The following PCDHGA1 variants were observed in gnomAD, a reference collection of about 807,000 sequenced individuals.
PCDHGA1 encodes the protein protocadherin gamma subfamily A, 1, also known as protocadherin gamma-A1.
Under a neutral mutation model 58.0 loss-of-function variants are expected in PCDHGA1, and 32 were observed. The ratio of observed to expected loss-of-function variants is 0.55; its 90% confidence interval spans 0.42 to 0.74. PCDHGA1 has a LOEUF of 0.74. Ranked by LOEUF, PCDHGA1 falls within the 30% of genes least tolerant of loss-of-function variation. PCDHGA1 has a pLI of 0.00. For missense variants in PCDHGA1, 1,205 were observed against 1,182.3 expected (o/e 1.02, Z -0.28); for synonymous variants, 498 against 501.1 (o/e 0.99, Z 0.08).
In PCDHGA1 at chr5:141,346,532, T is replaced by C. The variant is rs543628254; in HGVS notation, c.2421+13427T>C. 1.4e-5 allele frequency: 22 copies of C among 1,569,878 alleles called. No homozygotes were observed. The East Asian group carries it at 4.8e-4, about 34-fold the overall frequency. Reference sequence around the variant, plus strand: ...TTATTATAAAGCTTTAACACATATGTATTTGAGAAATAAAGCCATGAGGTT... The same window carrying C: ...TTATTATAAAGCTTTAACACATATGCATTTGAGAAATAAAGCCATGAGGTT... On this transcript the variant is annotated intron_variant, in intron 1 of 3. Coordinates refer to ENST00000517417, the MANE Select transcript of PCDHGA1 (RefSeq NM_018912.3).
intron 1 of PCDHGA1, among the ~76,000 whole-genome samples, chr5:141,424,908 C>G (rs910592644): frequency 1.3e-5 from 2 of 152,184 alleles, no homozygotes; most frequent in Non-Finnish European, 2.9e-5. Context: ...TCACAGGAAT[C>G]ATTTCCATAA....
chr5:141,443,244 G>A (rs1277982376), intron 1 of PCDHGA1, among the ~76,000 whole-genome samples: 4 of 151,542 alleles, frequency 2.6e-5, no homozygotes, highest in African/African-American at 9.7e-5. Flanking sequence ...ACTTTGGGGC[G>A]CCAAGGCGGG....
rs747156698 is a variant in PCDHGA1 at position 141,385,112 on chromosome 5, C to T, written c.2421+52007C>T. ...GGTGGCTTGGCGAACGTGCCCACCT[C>T]GCACTTTGTGGGCATGGACGGGGTG... On this transcript the variant is annotated intron_variant, in intron 1 of 3. Coordinates refer to ENST00000517417, the MANE Select transcript of PCDHGA1 (RefSeq NM_018912.3). 6 of 1,614,200 alleles carry T rather than the reference C, an allele frequency of 3.7e-6. No homozygotes were observed. The highest frequency in any genetic ancestry group is 2.7e-5 in the African/African-American group (2 of 75,070).
chr5:141,419,018 AG>A (rs2096314197), intron 1 of PCDHGA1: 1 of 1,613,838 alleles, frequency 6.2e-7, no homozygotes, highest in African/African-American at 1.3e-5. Context: ...GTGTAGCTTA[AG>A]TAGAGGTGTT....
intron 1 of PCDHGA1, chr5:141,475,997 G>T: frequency 8.4e-7 from 1 of 1,184,406 alleles, no homozygotes; most frequent in Non-Finnish European, 1.2e-6. Flanking sequence ...CAAATCAACG[G>T]CATCCAGAAA....
At chr5:141,383,767 A>G (rs1779455066) in intron 1 of PCDHGA1, 2 of 1,613,886 alleles carry the variant, frequency 1.2e-6, no homozygotes, top group South Asian at 2.2e-5. Flanking sequence ...TAAACTTCCA[A>G]AGATGTTTCA....
chr5:141,368,755 G>A (rs557718841), intron 1 of PCDHGA1, among the ~76,000 whole-genome samples: 1 of 151,984 alleles, frequency 6.6e-6, no homozygotes, highest in Non-Finnish European at 1.5e-5. Flanking sequence ...TTAAATATCT[G>A]AATCTTTAGT....
chr5:141,347,507 G>A (rs1034183522), intron 1 of PCDHGA1, among the ~76,000 whole-genome samples: 7 of 152,070 alleles, frequency 4.6e-5, no homozygotes, highest in Non-Finnish European at 7.4e-5. Context: ...AAATGTAGAG[G>A]CTGGGTGCAG....
intron 1 of PCDHGA1, chr5:141,372,263 G>C (rs373583904): frequency 3.1e-6 from 5 of 1,613,110 alleles, no homozygotes; most frequent in South Asian, 1.1e-5. Flanking sequence ...GCCTGCGCAC[G>C]GGTGAGGTGC....
Position 141,491,826 on chromosome 5 carries a change from C to A in PCDHGA1, c.2422-2981C>A. 1 of 1,477,526 alleles carries A rather than the reference C, an allele frequency of 6.8e-7. No homozygotes were observed. The highest frequency in any genetic ancestry group is 9.0e-7 in the Non-Finnish European group (1 of 1,114,486). The allele number at this position is 1,477,526 out of a possible 1,614,324, so 91.5% of individuals were successfully genotyped here. A position where few individuals can be genotyped will look rare whatever the true frequency, so the allele number is the denominator to read the frequency against. ...GGCTTGGTCGCTGGCTGCGCTCCAC[C>A]CGATTCTCGGGATCATTGGACCGTT... On this transcript the variant is annotated intron_variant, in intron 1 of 3. Transcript: ENST00000517417. The surrounding 1 kb of genome is among the most constrained non-coding windows in gnomAD (Gnocchi z 6.9).
At chr5:141,362,774 C>T (rs1265004246) in intron 1 of PCDHGA1, 13 of 610,680 alleles carry the variant, frequency 2.1e-5, no homozygotes, top group Non-Finnish European at 3.3e-5. Context: ...AGATATTGCA[C>T]TGTATTTCTT....
intron 1 of PCDHGA1, chr5:141,389,294 A>T (rs776760884): frequency 1.2e-6 from 2 of 1,613,964 alleles, no homozygotes; most frequent in Non-Finnish European, 1.7e-6. Flanking sequence ...CCTCTATTTC[A>T]CAAGTCAGGG....
intron 1 of PCDHGA1, chr5:141,351,696 C>A: frequency 6.2e-7 from 1 of 1,613,976 alleles, no homozygotes; most frequent in East Asian, 2.2e-5. Flanking sequence ...GATTTGGGAC[C>A]CAACGGCAGA....
intron 1 of PCDHGA1, chr5:141,360,132 G>A (rs1234276990): frequency 6.3e-7 from 1 of 1,589,922 alleles, no homozygotes; most frequent in Non-Finnish European, 8.6e-7. Flanking sequence ...AAGGGAGCCA[G>A]AAGATGAAAG....
At chr5:141,403,740 C>T in intron 1 of PCDHGA1, 1 of 1,613,920 alleles carries the variant, frequency 6.2e-7, no homozygotes, top group Non-Finnish European at 8.5e-7. Flanking sequence ...TGGCTGCTTA[C>T]TGCAACAGCC....
At position 141,332,833 on chromosome 5, in the gene PCDHGA1, C is replaced by A. The variant is rs769608961; in HGVS notation, c.2149C>A (p.Arg717=). ...CATCGTGCTGCTGGCGCACAGGCTG[C>A]GGCGCTGGCACAAGTCACGTCTGCT... ...FVIVLLAHRL[R]RWHKSRLLQA... Residue 717 remains arginine, a synonymous_variant, in exon 1 of 4, where the codon CGG becomes AGG. Transcript: ENST00000517417. This position sits in a 1 kb window ranked among gnomAD's most constrained non-coding sequence, Gnocchi z 4.6. 5 of 1,614,212 alleles carry A rather than the reference C, an allele frequency of 3.1e-6. No individual in the cohort carries two copies. In the South Asian group the frequency reaches 4.4e-5, roughly 14 times the overall value.
At chr5:141,415,282 G>A in intron 1 of PCDHGA1, 1 of 1,614,224 alleles carries the variant, frequency 6.2e-7, no homozygotes, top group Non-Finnish European at 8.5e-7. Flanking sequence ...AGCGGTGGCC[G>A]CGGTCTCCTG....
At chr5:141,388,800 G>A (rs1193679536) in intron 1 of PCDHGA1, 6 of 1,613,896 alleles carry the variant, frequency 3.7e-6, no homozygotes, top group Non-Finnish European at 5.1e-6. Context: ...AAATACATTA[G>A]ATTTTGAAGA....
At chr5:141,361,540 G>T (rs748594092) in intron 1 of PCDHGA1, 1 of 1,614,018 alleles carries the variant, frequency 6.2e-7, no homozygotes, top group Non-Finnish European at 8.5e-7. Context: ...TCCTCCTGGC[G>T]CCTCTATCGC....
Sources: gnomAD v4.1 joint callset for allele counts (sites outside exome capture counted in the v4.1 genomes callset) on GRCh38, gnomAD v4.1.1 for gene constraint, Gnocchi (gnomAD v3.1) non-coding constraint, MANE v1.5 for transcripts, NCBI Gene and HGNC (gene_info 2026-07-23, HGNC 2026-07-21) for gene names.